PLS1: variants seen among roughly 807,000 people sequenced by gnomAD.
PLS1 encodes plastin-1.
PLS1 carries 32 observed loss-of-function variants against 73.7 expected under a neutral mutation model. The observed-to-expected ratio is 0.43, with a 90% CI of 0.33 to 0.58. The LOEUF (loss-of-function observed/expected upper bound fraction) is 0.58. PLS1 is among the 20% of genes least tolerant of loss of function. The pLI is 0.04. For synonymous variants in PLS1, 217 were observed against 261.3 expected (o/e 0.83, Z 1.63); for missense variants, 633 against 740.5 (o/e 0.85, Z 1.68).
At chr3:142,596,669 C>T (rs1041365414) in intron 1 of PLS1, among the ~76,000 whole-genome samples, 160 bp downstream of exon 1, 5 of 152,252 alleles carry the variant, frequency 3.3e-5, no homozygotes, top group Admixed American at 6.5e-5. Context: ...GCCCGCCGTC[C>T]TCTGGGCACG....
intron 1 of PLS1, among the ~76,000 whole-genome samples, chr3:142,603,267 C>T (rs75183323): frequency 0.012 from 1,794 of 152,182 alleles, 27 homozygotes; most frequent in African/African-American, 0.036. Flanking sequence ...TGTAAAGGCA[C>T]GTTGCTTTTT....
At chr3:142,644,064 G>A (rs1192360656) in intron 1 of PLS1, among the ~76,000 whole-genome samples, 2 of 151,944 alleles carry the variant, frequency 1.3e-5, no homozygotes, top group Non-Finnish European at 2.9e-5. Flanking sequence ...CTGACCTTAG[G>A]TGATCCTCCC....
chr3:142,616,122 A>G (rs942080462), intron 1 of PLS1, among the ~76,000 whole-genome samples: 1 of 152,208 alleles, frequency 6.6e-6, no homozygotes, highest in Non-Finnish European at 1.5e-5. Flanking sequence ...AGTGAGAAAG[A>G]AGTGCAAAGA....
chr3:142,704,336 A>T, intron 13 of PLS1, 127 bp from the exon 14 acceptor site: 2 of 771,232 alleles, frequency 2.6e-6, no homozygotes, highest in Non-Finnish European at 4.0e-6. Flanking sequence ...TGCAAATGCC[A>T]GACTAAAATT....
At chr3:142,660,261 T>C (rs1467476944) in intron 1 of PLS1, among the ~76,000 whole-genome samples, 6 of 152,202 alleles carry the variant, frequency 3.9e-5, no homozygotes, top group African/African-American at 1.4e-4. Flanking sequence ...TGTATAAACA[T>C]ACAGCTGATA....
At chr3:142,676,840 A>T (rs1239683764) in intron 5 of PLS1, among the ~76,000 whole-genome samples, 21 of 152,208 alleles carry the variant, frequency 1.4e-4, no homozygotes. Context: ...TCTTTAGTTT[A>T]TAAAAAGTAC....
At chr3:142,630,435 A>G (rs1285262072) in intron 1 of PLS1, among the ~76,000 whole-genome samples, 2 of 150,832 alleles carry the variant, frequency 1.3e-5, no homozygotes, top group African/African-American at 4.9e-5. Flanking sequence ...AAAAAAAAAA[A>G]AAAAACAAAC....
At position 142,704,511 on chromosome 3, in the gene PLS1, T is replaced by C. The variant is rs935242527; in HGVS notation, c.1554T>C (p.Asn518=). Residue 518 remains asparagine (N), a synonymous_variant, in exon 14 of 16, where the codon AAT becomes AAC. Coordinates refer to ENST00000457734, the MANE Select transcript of PLS1 (RefSeq NM_001145319.2). The stretch of plus-strand genomic sequence containing the variant: ...ATCTTGGAGAGGGTGAAAAAGTAAA[T>C]GATGAAATTATAATTAAATGGGTCA... ...LSDLGEGEKV[N]DEIIIKWVNQ... 1 of 1,597,016 alleles carries C rather than the reference T, an allele frequency of 6.3e-7. No homozygotes were observed. The highest frequency in any genetic ancestry group is 8.6e-7 in the Non-Finnish European group (1 of 1,165,948).
intron 14 of PLS1, 35 bp from the exon 15 acceptor site, chr3:142,711,466 T>A: frequency 6.8e-7 from 1 of 1,464,678 alleles, no homozygotes; most frequent in Non-Finnish European, 9.5e-7. Flanking sequence ...AAAGGTCAGA[T>A]GTTTATGAAT....
At chr3:142,702,443 A>G (rs2038350571) in intron 12 of PLS1, among the ~76,000 whole-genome samples, 1 of 152,088 alleles carries the variant, frequency 6.6e-6, no homozygotes, top group African/African-American at 2.4e-5. Context: ...TTTTCTTACT[A>G]TTGGGGAAAA....
intron 6 of PLS1, among the ~76,000 whole-genome samples, chr3:142,682,453 C>T (rs2037875502): frequency 6.6e-6 from 1 of 152,158 alleles, no homozygotes; most frequent in South Asian, 2.1e-4. Flanking sequence ...TTTTGTTTGT[C>T]ATTGTCCAGG....
At chr3:142,705,603 A>C (rs2038443333) in intron 14 of PLS1, among the ~76,000 whole-genome samples, 1 of 152,196 alleles carries the variant, frequency 6.6e-6, no homozygotes, top group Non-Finnish European at 1.5e-5. Flanking sequence ...ACTAGCAATA[A>C]ATTTGTGGTT....
intron 4 of PLS1, among the ~76,000 whole-genome samples, 155 bp from the exon 5 acceptor site, chr3:142,676,002 C>A (rs1469278427): frequency 6.6e-6 from 1 of 152,094 alleles, no homozygotes; most frequent in African/African-American, 2.4e-5. Context: ...TTTCTTGAAC[C>A]CTTTTGTGTT....
At chr3:142,616,129 A>T (rs925721726) in intron 1 of PLS1, among the ~76,000 whole-genome samples, 4 of 152,172 alleles carry the variant, frequency 2.6e-5, no homozygotes, top group African/African-American at 9.7e-5. Flanking sequence ...AAGAAGTGCA[A>T]AGAGGCCAAA....
intron 11 of PLS1, among the ~76,000 whole-genome samples, 188 bp downstream of exon 11, chr3:142,694,735 ATAGT>A (rs1370634597): frequency 1.3e-5 from 2 of 152,216 alleles, no homozygotes; most frequent in East Asian, 3.8e-4. Flanking sequence ...AAAAGGAATA[ATAGT>A]TATGTTTTTG....
intron 1 of PLS1, among the ~76,000 whole-genome samples, chr3:142,621,003 A>T (rs1469655936): frequency 1.3e-5 from 2 of 152,180 alleles, no homozygotes; most frequent in Non-Finnish European, 2.9e-5. Context: ...TGGGTGACAG[A>T]GTGAGACTCT....
chr3:142,647,606 G>A (rs1348138262), intron 1 of PLS1, among the ~76,000 whole-genome samples: 5 of 151,026 alleles, frequency 3.3e-5, no homozygotes, highest in Non-Finnish European at 4.4e-5. Flanking sequence ...GGGTTCATGC[G>A]ATTCTTCTGC....
chr3:142,691,689 A>G (rs1382206216), intron 10 of PLS1, among the ~76,000 whole-genome samples: 1 of 152,156 alleles, frequency 6.6e-6, no homozygotes, highest in Non-Finnish European at 1.5e-5. Flanking sequence ...ACATCTGCCA[A>G]AAATGTATTT....
At chr3:142,706,112 ATATT>A (rs1346646633) in intron 14 of PLS1, among the ~76,000 whole-genome samples, 14 of 152,214 alleles carry the variant, frequency 9.2e-5, no homozygotes, top group African/African-American at 3.4e-4. Flanking sequence ...ATATGAGAAA[ATATT>A]TAGGAGCAAA....
Sources: gnomAD v4.1 joint callset for allele counts (sites outside exome capture counted in the v4.1 genomes callset) on GRCh38, gnomAD v4.1.1 for gene constraint, MANE v1.5 for transcripts, NCBI Gene and HGNC (gene_info 2026-07-23, HGNC 2026-07-21) for gene names.